The following SAFB2 variants were observed in gnomAD, a reference collection of about 807,000 sequenced individuals.
The protein encoded by SAFB2 is scaffold attachment factor B2.
In SAFB2, 32 loss-of-function variants were observed where a neutral mutation model predicts 100.6. The observed-to-expected ratio is 0.32, with a 90% confidence interval of 0.24 to 0.43. SAFB2 has a LOEUF of 0.43. SAFB2 is among the 20% of genes least tolerant of loss of function. The pLI is 1.00. For synonymous variants in SAFB2, 500 were observed against 439.4 expected (o/e 1.14, Z -1.72); for missense variants, 1,185 against 1,163.4 (o/e 1.02, Z -0.27).
chr19:5,618,940 A>T (rs759391088), intron 2 of SAFB2, among the ~76,000 whole-genome samples: 1 of 152,024 alleles, frequency 6.6e-6, no homozygotes, highest in Non-Finnish European at 1.5e-5. Flanking sequence ...GTTGCCTAGG[A>T]CTCCTAATCT....
intron 18 of SAFB2, 68 bp from the exon 19 acceptor site, chr19:5,588,048 C>A (rs1450956815): frequency 1.5e-6 from 2 of 1,374,676 alleles, no homozygotes; most frequent in Non-Finnish European, 1.0e-6. Context: ...AGCAGGCGCA[C>A]CCACCCTGAC....
chr19:5,587,160 A>G lies in SAFB2; in HGVS notation c.*83T>C. 2 of 1,562,148 alleles carry G rather than the reference A, an allele frequency of 1.3e-6. No individual in the cohort carries two copies. Among genetic ancestry groups the G allele is most frequent in the South Asian group, 1.2e-5 (1 of 86,252 alleles). ...GTGGCAGGATTTACTTTGCTTTTAA[A>G]AAGATCCCCCAAGTTCGAGGGAACC... On this transcript the variant is annotated 3_prime_UTR_variant, in exon 21 of 21. Coordinates refer to ENST00000252542, the MANE Select transcript of SAFB2 (RefSeq NM_014649.3). This position sits in a 1 kb window ranked among gnomAD's most constrained non-coding sequence, Gnocchi z 4.9.
rs1391199226 is a variant in SAFB2 at position 5,588,044 on chromosome 19, C to T, written c.2526-64G>A. 15 of 1,441,710 alleles carry T rather than the reference C, an allele frequency of 1.0e-5. 1 individual carries two copies. The highest frequency in any genetic ancestry group is 8.9e-5 in the South Asian group (7 of 78,714). 89.3% of individuals were successfully genotyped at this position (1,441,710 alleles called of 1,614,324 possible). On this transcript the variant is annotated intron_variant, in intron 18 of 20. Coordinates refer to ENST00000252542, the MANE Select transcript of SAFB2 (RefSeq NM_014649.3). ...CCTCCAGGGTTGTGTCGGCAGCAGG[C>T]GCACCCACCCTGACCTCAGCTGCAT...
intron 16 of SAFB2, among the ~76,000 whole-genome samples, chr19:5,592,015 T>TA (rs1450558642): frequency 6.6e-6 from 1 of 152,192 alleles, no homozygotes; most frequent in Non-Finnish European, 1.5e-5. Flanking sequence ...CTCACTGAAC[T>TA]AAAATTCCTC....
chr19:5,591,454 A>G (rs2052401824), intron 17 of SAFB2: 1 of 252,892 alleles, frequency 4.0e-6, no homozygotes, highest in Admixed American at 5.1e-5. Flanking sequence ...AATTTTTTGT[A>G]TTTTTAGTAG....
chr19:5,587,873 C>T lies in SAFB2; in HGVS notation c.2633G>A (p.Trp878Ter). ...CCCTGGAGCCAGCCCCGTACCTTGC[C>T]ACCTGGCGTGCTCCCGGCTAGCCGC... ...AGAASREHARWQGGERGLSGP... is the reference protein window; with the variant it reads ...AGAASREHAR The change falls in exon 19 of 21, where the codon TGG becomes TAG. Residue 878 changes from tryptophan (W) to a stop codon, truncating the protein, a stop_gained. Coordinates refer to ENST00000252542, the MANE Select transcript of SAFB2 (RefSeq NM_014649.3). LOFTEE classifies it high-confidence loss of function. This position sits in a 1 kb window ranked among gnomAD's most constrained non-coding sequence, Gnocchi z 4.9. 1 of 1,610,770 alleles carries T rather than the reference C, an allele frequency of 6.2e-7. No homozygotes were observed. The highest frequency in any genetic ancestry group is 1.1e-5 in the South Asian group (1 of 90,506).
chr19:5,591,571 T>C lies in SAFB2; in HGVS notation c.2394+177A>G, dbSNP rs186349191. ...GGGATTACAGGCATGAGCCACCACG[T>C]CCGACTAAATATTTGTACTTCTAGT... is the stretch of plus-strand genomic sequence containing the variant. On this transcript the variant is annotated intron_variant, in intron 17 of 20. Coordinates refer to ENST00000252542, the MANE Select transcript of SAFB2 (RefSeq NM_014649.3). 59 of 594,266 alleles carry C rather than the reference T, an allele frequency of 9.9e-5. No homozygotes were observed. In the African/African-American group the frequency reaches 1.1e-3, roughly 11 times the overall value. The allele number at this position is 594,266 out of a possible 1,614,324, so 36.8% of individuals were successfully genotyped here.
At chr19:5,594,721 T>C (rs753073615) in intron 14 of SAFB2, among the ~76,000 whole-genome samples, 2 of 151,962 alleles carry the variant, frequency 1.3e-5, no homozygotes, top group African/African-American at 2.4e-5. Flanking sequence ...GGGGCGAAAA[T>C]AGACTTTGAG....
chr19:5,589,030 T>G (rs1408711531), intron 18 of SAFB2: 1 of 152,234 alleles, frequency 6.6e-6, no homozygotes, highest in Non-Finnish European at 1.5e-5. Context: ...GGTTGCCGGA[T>G]GCAGTGACAG....
chr19:5,598,589 G>A (rs1181202697), intron 13 of SAFB2: 2 of 583,502 alleles, frequency 3.4e-6, no homozygotes, highest in Non-Finnish European at 6.2e-6. Context: ...AGCCAGTAAG[G>A]GAAGCAAACA....
rs768905119 is a variant in SAFB2, at chr19:5,622,677, A to G, written c.39T>C (p.Pro13=). 2 of 1,606,584 alleles carry G rather than the reference A, an allele frequency of 1.2e-6. No homozygotes were observed. The highest frequency in any genetic ancestry group is 1.3e-5 in the African/African-American group (1 of 74,842). ...CGCCCGGGCCGAGAGAAGCCGTGCC[A>G]GGGCCCGAGTCGCCCGACCCGGGCA... is the stretch of plus-strand genomic sequence containing the variant. ...ETLPGSGDSG[P]GTASLGPGVA... Residue 13 remains proline (P), a synonymous_variant, in exon 1 of 21, where the codon CCT becomes CCC. Coordinates refer to ENST00000252542, the MANE Select transcript of SAFB2 (RefSeq NM_014649.3).
At chr19:5,599,820 A>C (rs1442593530) in intron 12 of SAFB2, among the ~76,000 whole-genome samples, 2 of 152,200 alleles carry the variant, frequency 1.3e-5, no homozygotes, top group African/African-American at 2.4e-5. Flanking sequence ...TAGTTACAAG[A>C]AACTCGGACA....
chr19:5,600,251 A>C lies in SAFB2; in HGVS notation c.1569T>G (p.Ile523Met), dbSNP rs1186241089. 1.2e-6 allele frequency: 2 copies of C among 1,612,212 alleles called. No individual in the cohort carries two copies. The highest frequency in any genetic ancestry group is 1.3e-5 in the African/African-American group (1 of 74,534). ...TCTTCTCAATCTTCTCTTCCTTCTT[A>C]ATTACAGTTCTATTTAAAGACATGG... ...SVEIKIEKTVIKKEEKIEKKE... is the reference protein window; with the variant it reads ...SVEIKIEKTVMKKEEKIEKKE... The change falls in exon 12 of 21, where the codon ATT (isoleucine) becomes ATG (methionine). Residue 523 changes from isoleucine to methionine, a missense_variant. Coordinates refer to ENST00000252542, the MANE Select transcript of SAFB2 (RefSeq NM_014649.3).
Position 5,593,878 on chromosome 19 carries a change from G to A in SAFB2, c.2207+13C>T. 6.8e-7 allele frequency: 1 copy of A among 1,477,188 alleles called. No individual in the cohort carries two copies. The highest frequency in any genetic ancestry group is 1.4e-5 in the South Asian group (1 of 70,978). 91.5% of individuals were successfully genotyped at this position (1,477,188 alleles called of 1,614,324 possible). On this transcript the variant is annotated intron_variant, in intron 15 of 20. Coordinates refer to ENST00000252542, the MANE Select transcript of SAFB2 (RefSeq NM_014649.3). ...CTGGTCTCCGTCCTGCCCACGCTCT[G>A]GGCGGGACTCACCGGTCCAGGTCGT...
chr19:5,591,956 C>G (rs905790140), intron 16 of SAFB2, among the ~76,000 whole-genome samples, 163 bp from the exon 17 acceptor site: 9 of 152,204 alleles, frequency 5.9e-5, no homozygotes, highest in African/African-American at 1.9e-4. Flanking sequence ...AAAGGCTTTT[C>G]CCCGGGGGCA....
chr19:5,603,212 G>A (rs1418948930), intron 11 of SAFB2, among the ~76,000 whole-genome samples: 1 of 152,150 alleles, frequency 6.6e-6, no homozygotes, highest in African/African-American at 2.4e-5. Context: ...AGGCTGTAAT[G>A]AGCCATGACT....
intron 9 of SAFB2, among the ~76,000 whole-genome samples, chr19:5,609,648 TAGAA>T (rs1283236492): frequency 6.6e-6 from 1 of 152,146 alleles, no homozygotes; most frequent in Non-Finnish European, 1.5e-5. Context: ...TGAGACCAGT[TAGAA>T]AGAACCCCAA....
At chr19:5,614,355 T>C (rs2052977373) in intron 4 of SAFB2, among the ~76,000 whole-genome samples, 1 of 152,234 alleles carries the variant, frequency 6.6e-6, no homozygotes, top group Non-Finnish European at 1.5e-5. Context: ...TTTTACTAAA[T>C]CTGAAGCTCT....
At chr19:5,613,708 C>G (rs2052960631) in intron 4 of SAFB2, 181 bp from the exon 5 acceptor site, 1 of 985,476 alleles carries the variant, frequency 1.0e-6, no homozygotes, top group Non-Finnish European at 1.2e-6. Flanking sequence ...CTCCACGACT[C>G]TGCTCCACCA....
Sources: gnomAD v4.1 joint callset for allele counts (sites outside exome capture counted in the v4.1 genomes callset) on GRCh38, gnomAD v4.1.1 for gene constraint, Gnocchi (gnomAD v3.1) non-coding constraint, MANE v1.5 for transcripts, NCBI Gene and HGNC (gene_info 2026-07-23, HGNC 2026-07-21) for gene names.